The following TYW1 variants were observed in gnomAD, a reference collection of about 807,000 sequenced individuals.
TYW1 encodes the protein S-adenosyl-L-methionine-dependent tRNA 4-demethylwyosine synthase TYW1.
Under a neutral mutation model 96.2 loss-of-function variants are expected in TYW1, and 46 were observed. The ratio of observed to expected loss-of-function variants is 0.48; its 90% CI spans 0.38 to 0.61. The LOEUF (loss-of-function observed/expected upper bound fraction) is 0.61, where lower values mean the gene tolerates loss of function less well. Among genes scored for constraint, TYW1 ranks in the 20% least tolerant of loss-of-function variants. The pLI is 0.00. For missense variants in TYW1, 684 were observed against 909.6 expected (o/e 0.75, Z 3.19); for synonymous variants, 274 against 323.0 (o/e 0.85, Z 1.63).
intron 11 of TYW1, among the ~76,000 whole-genome samples, chr7:67,085,500 C>G (rs1796520396): frequency 6.6e-6 from 1 of 152,130 alleles, no homozygotes; most frequent in African/African-American, 2.4e-5. Flanking sequence ...TGTGGCCTCC[C>G]CAGCCATGCT....
intron 7 of TYW1, among the ~76,000 whole-genome samples, chr7:67,043,957 A>G (rs760443849): frequency 6.6e-6 from 1 of 152,184 alleles, no homozygotes; most frequent in Non-Finnish European, 1.5e-5. Flanking sequence ...TTTATTAAAG[A>G]AATAGGAATC....
intron 15 of TYW1, among the ~76,000 whole-genome samples, chr7:67,209,805 C>G (rs1763084006): frequency 6.6e-6 from 1 of 152,148 alleles, no homozygotes; most frequent in Admixed American, 6.5e-5. Context: ...CTCCTGACCT[C>G]AAGTGATCCA....
intron 13 of TYW1, among the ~76,000 whole-genome samples, chr7:67,163,894 C>G (rs921092357): frequency 7.9e-5 from 12 of 152,204 alleles, no homozygotes; most frequent in African/African-American, 2.9e-4. Flanking sequence ...GTCTCGAACT[C>G]CTGACCTCAG....
chr7:67,085,289 G>A (rs529796687), intron 11 of TYW1, among the ~76,000 whole-genome samples: 7 of 152,238 alleles, frequency 4.6e-5, no homozygotes, highest in African/African-American at 1.7e-4. Context: ...ATCCCTATGC[G>A]TTGAGAGAGA....
chr7:67,174,609 T>A (rs867917370), intron 13 of TYW1, among the ~76,000 whole-genome samples: 59 of 142,100 alleles, frequency 4.2e-4, no homozygotes, highest in Middle Eastern at 3.8e-3. Context: ...TTTTTTTTTT[T>A]AAAAAAAAGA....
chr7:67,175,519 T>C (rs1321335389), intron 13 of TYW1, among the ~76,000 whole-genome samples: 1 of 152,186 alleles, frequency 6.6e-6, no homozygotes, highest in Non-Finnish European at 1.5e-5. Context: ...ACAAAAGCGA[T>C]TTTTACTCAT....
Position 67,171,050 on chromosome 7 carries a change from GT to G in TYW1, c.1699-12070del, listed in dbSNP as rs1466771288. 4.6e-5 allele frequency among the ~76,000 whole-genome samples: 7 copies of G among 152,124 alleles called. No individual in the cohort carries two copies. The East Asian group carries it at 1.4e-3, about 29-fold the overall frequency. The stretch of plus-strand genomic sequence containing the variant: ...GCTCTTAAGCTTTTATTTGTTGGGA[GT>G]TTTTTGATTGTTCAATCTCTTGACT... On this transcript the variant is annotated intron_variant, in intron 13 of 15. Coordinates refer to ENST00000359626, the MANE Select transcript of TYW1 (RefSeq NM_018264.4).
chr7:67,100,781 G>A (rs1435856970), intron 12 of TYW1, among the ~76,000 whole-genome samples: 1 of 146,822 alleles, frequency 6.8e-6, no homozygotes, highest in South Asian at 2.1e-4. Context: ...GGAGAATGGC[G>A]AGAACCTGGG....
intron 3 of TYW1, among the ~76,000 whole-genome samples, chr7:67,003,462 G>C (rs2129237515): frequency 6.6e-6 from 1 of 151,554 alleles, no homozygotes; most frequent in East Asian, 1.9e-4. Context: ...AAAGATGTTT[G>C]TTTGGGAATA....
At chr7:67,141,968 G>C (rs893033961) in intron 13 of TYW1, among the ~76,000 whole-genome samples, 1 of 152,234 alleles carries the variant, frequency 6.6e-6, no homozygotes, top group Non-Finnish European at 1.5e-5. Context: ...CCGGGAGGTG[G>C]AGGTTGCAGT....
At chr7:67,003,060 G>A (rs928543340) in intron 3 of TYW1, among the ~76,000 whole-genome samples, 6 of 151,792 alleles carry the variant, frequency 4.0e-5, no homozygotes, top group Admixed American at 6.6e-5. Context: ...CTTGAGCCAC[G>A]CGCCTGGCCC....
chr7:67,113,448 C>T (rs764158865), intron 12 of TYW1, among the ~76,000 whole-genome samples: 29 of 152,094 alleles, frequency 1.9e-4, no homozygotes, highest in Non-Finnish European at 3.5e-4. Context: ...ACAGATCATC[C>T]GTATTCTCTT....
At chr7:67,134,690 C>T (rs1798188116) in intron 13 of TYW1, among the ~76,000 whole-genome samples, 1 of 151,430 alleles carries the variant, frequency 6.6e-6, no homozygotes, top group South Asian at 2.1e-4. Flanking sequence ...GGTAGCCATT[C>T]TTCATTCTGC....
At chr7:67,093,738 A>G (rs1425012308) in intron 11 of TYW1, among the ~76,000 whole-genome samples, 1 of 152,052 alleles carries the variant, frequency 6.6e-6, no homozygotes, top group African/African-American at 2.4e-5. Flanking sequence ...ACATTCTTAC[A>G]ATTGCAGTTA....
intron 13 of TYW1, among the ~76,000 whole-genome samples, chr7:67,154,389 C>G (rs975857637): frequency 1.1e-4 from 16 of 152,110 alleles, no homozygotes; most frequent in Non-Finnish European, 2.4e-4. Flanking sequence ...TACAGTCAGT[C>G]TAGTGGTGAG....
rs370758215 is a variant in TYW1 at position 67,013,376 on chromosome 7, A to G, written c.376-991A>G. On this transcript the variant is annotated intron_variant, in intron 4 of 15. Transcript: ENST00000359626. ...GATCTCAAGTGATCCACCCGCCTCA[A>G]CCTCCCAAAGTCCTGGGATTACAGG... is the stretch of plus-strand genomic sequence containing the variant. Among the ~76,000 whole-genome samples, 650 of 151,134 alleles carry G rather than the reference A, an allele frequency of 4.3e-3. 2 individuals carry two copies. The highest frequency in any genetic ancestry group is 5.4e-3 in the African/African-American group (221 of 41,208).
chr7:67,220,289 C>T (rs1433513394), intron 15 of TYW1, among the ~76,000 whole-genome samples: 6 of 145,792 alleles, frequency 4.1e-5, no homozygotes, highest in South Asian at 2.2e-4. Flanking sequence ...CTGCAAGCTC[C>T]GCCTCCCGGG....
intron 11 of TYW1, among the ~76,000 whole-genome samples, chr7:67,090,702 CTGTG>C (rs143608918): frequency 6.6e-6 from 1 of 151,118 alleles, no homozygotes; most frequent in Non-Finnish European, 1.5e-5. Context: ...GTATGTGTGC[CTGTG>C]TGTGTGTGTG....
intron 13 of TYW1, among the ~76,000 whole-genome samples, chr7:67,126,561 CT>C (rs1797920333): frequency 1.2e-5 from 1 of 81,164 alleles, no homozygotes; most frequent in South Asian, 4.1e-4. Context: ...TCTAGACTTT[CT>C]CCTGTGTTAT....
Sources: allele counts gnomAD v4.1 joint callset (sites outside exome capture counted in the v4.1 genomes callset), GRCh38; gene constraint gnomAD v4.1.1; transcripts MANE v1.5; gene names NCBI Gene and HGNC (gene_info 2026-07-23, HGNC 2026-07-21).